Variants in NRXN1 observed in about 807,000 individuals in gnomAD.
The protein encoded by NRXN1 is neurexin-1.
A neutral mutation model predicts 150.9 loss-of-function variants in NRXN1; 39 were observed. That is an observed-to-expected ratio of 0.26 (90% CI 0.20 to 0.34). The LOEUF (loss-of-function observed/expected upper bound fraction) is 0.34, where lower values mean the gene tolerates loss of function less well. Among genes scored for constraint, NRXN1 ranks in the 10% least tolerant of loss-of-function variants. NRXN1 has a pLI of 1.00. For synonymous variants in NRXN1, 924 were observed against 757.0 expected (o/e 1.22, Z -3.62); for missense variants, 1,815 against 1,949.9 (o/e 0.93, Z 1.30).
chr2:50,241,992 T>G (rs2066043887), intron 17 of NRXN1, among the ~76,000 whole-genome samples: 1 of 151,882 alleles, frequency 6.6e-6, no homozygotes, highest in South Asian at 2.1e-4. Context: ...TAGATTAGCT[T>G]CTAACTCATA....
intron 17 of NRXN1, among the ~76,000 whole-genome samples, chr2:50,405,491 A>G (rs571828462): frequency 3.4e-4 from 52 of 152,224 alleles, no homozygotes; most frequent in Non-Finnish European, 7.1e-4. Flanking sequence ...TATAGAAAAC[A>G]ATGAAAATAA....
At chr2:50,423,441 T>C (rs1238765988) in intron 17 of NRXN1, among the ~76,000 whole-genome samples, 2 of 152,088 alleles carry the variant, frequency 1.3e-5, no homozygotes, top group Non-Finnish European at 2.9e-5. Context: ...CTTTGTGTCC[T>C]CAATGGGCCA....
At chr2:51,026,250 C>G in intron 2 of NRXN1, 1 of 682,664 alleles carries the variant, frequency 1.5e-6, no homozygotes, top group East Asian at 2.7e-5. Flanking sequence ...TCACCCATTT[C>G]AGCCACAAAT....
intron 5 of NRXN1, among the ~76,000 whole-genome samples, chr2:50,669,469 A>T (rs1458245770): frequency 1.3e-5 from 2 of 151,986 alleles, no homozygotes; most frequent in Non-Finnish European, 2.9e-5. Flanking sequence ...TGCTTCTATA[A>T]TCACTATTTA....
At chr2:50,418,904 C>A (rs962799661) in intron 17 of NRXN1, among the ~76,000 whole-genome samples, 10 of 151,976 alleles carry the variant, frequency 6.6e-5, no homozygotes, top group Admixed American at 2.6e-4. Flanking sequence ...ATATTTTTAT[C>A]ATATTTAAGT....
chr2:50,895,935 T>C (rs995702476), intron 5 of NRXN1, among the ~76,000 whole-genome samples: 55 of 152,148 alleles, frequency 3.6e-4, no homozygotes, highest in African/African-American at 1.2e-3. Flanking sequence ...TTAAAACCCA[T>C]GTGAAATATA....
chr2:50,616,692 G>T (rs1485971219), intron 8 of NRXN1, among the ~76,000 whole-genome samples: 1 of 152,132 alleles, frequency 6.6e-6, no homozygotes, highest in Non-Finnish European at 1.5e-5. Flanking sequence ...AAGGAAGAAA[G>T]TTGAACTTAG....
chr2:50,790,978 C>T (rs1705861251), intron 5 of NRXN1, among the ~76,000 whole-genome samples: 1 of 151,866 alleles, frequency 6.6e-6, no homozygotes, highest in South Asian at 2.1e-4. Flanking sequence ...TAGGGATGCT[C>T]AACCTGTACT....
chr2:50,070,092 T>G (rs913319566), intron 19 of NRXN1, among the ~76,000 whole-genome samples: 1 of 151,992 alleles, frequency 6.6e-6, no homozygotes, highest in Non-Finnish European at 1.5e-5. Context: ...CCTTGCGATC[T>G]GCCCGCCTTG....
At chr2:49,967,039 T>A (rs1677084819) in intron 21 of NRXN1, among the ~76,000 whole-genome samples, 1 of 151,904 alleles carries the variant, frequency 6.6e-6, no homozygotes, top group Admixed American at 6.6e-5. Context: ...ATTGGTGGAT[T>A]CTCTTAGGCA....
chr2:50,360,446 G>A (rs867022972), intron 17 of NRXN1, among the ~76,000 whole-genome samples: 12 of 152,056 alleles, frequency 7.9e-5, no homozygotes, highest in Non-Finnish European at 1.5e-4. Context: ...AAGAAAGCAA[G>A]GGTTGCAATC....
At chr2:50,502,602 C>A (rs2092007135) in intron 13 of NRXN1, among the ~76,000 whole-genome samples, 1 of 151,938 alleles carries the variant, frequency 6.6e-6, no homozygotes, top group Non-Finnish European at 1.5e-5. Context: ...TTGGATTAAG[C>A]AAATCAATAA....
intron 2 of NRXN1, among the ~76,000 whole-genome samples, chr2:51,010,314 C>T (rs190625145): frequency 6.6e-6 from 1 of 152,030 alleles, no homozygotes; most frequent in East Asian, 1.9e-4. Context: ...GGTTATGTGC[C>T]TTTTTATACA....
chr2:50,469,492 T>C (rs1045473400), intron 16 of NRXN1, among the ~76,000 whole-genome samples: 2 of 151,556 alleles, frequency 1.3e-5, no homozygotes, highest in Non-Finnish European at 3.0e-5. Flanking sequence ...AGTAGTCCTA[T>C]CAATATGGAG....
At chr2:50,128,359 A>G (rs1382877441) in intron 18 of NRXN1, among the ~76,000 whole-genome samples, 2 of 152,226 alleles carry the variant, frequency 1.3e-5, no homozygotes, top group Non-Finnish European at 1.5e-5. Flanking sequence ...CCGATGCTTT[A>G]GCCAATTAAG....
chr2:50,346,575 C>A lies in NRXN1; in HGVS notation c.3365-109605G>T. ...GGCTCGCACCAAGCACACCCAAATG[C>A]ACCTCCCTTTTGTCGAGCTCCCATT... On this transcript the variant is annotated intron_variant, in intron 17 of 22. Coordinates refer to ENST00000401669, the MANE Select transcript of NRXN1 (RefSeq NM_001330078.2). The surrounding 1 kb of genome is among the most constrained non-coding windows in gnomAD (Gnocchi z 5.0). 9.0e-7 allele frequency: 1 copy of A among 1,106,670 alleles called. No individual in the cohort carries two copies. Among genetic ancestry groups the A allele is most frequent in the Non-Finnish European group, 1.3e-6 (1 of 742,616 alleles). The allele number at this position is 1,106,670 out of a possible 1,614,324, so 68.6% of individuals were successfully genotyped here. A position where few individuals can be genotyped will look rare whatever the true frequency, so the allele number is the denominator to read the frequency against.
intron 17 of NRXN1, among the ~76,000 whole-genome samples, chr2:50,373,233 G>C (rs1477458434): frequency 6.6e-6 from 1 of 151,172 alleles, no homozygotes; most frequent in East Asian, 1.9e-4. Flanking sequence ...ACTTAGATTA[G>C]GGCATTGACT....
At chr2:50,201,124 C>T (rs1303963243) in intron 18 of NRXN1, among the ~76,000 whole-genome samples, 1 of 152,020 alleles carries the variant, frequency 6.6e-6, no homozygotes. Flanking sequence ...AGTTATTTGC[C>T]TCTTACTCTA....
chr2:50,588,861 C>T (rs1406459155), intron 8 of NRXN1: 2 of 152,166 alleles, frequency 1.3e-5, no homozygotes, highest in East Asian at 1.9e-4. Flanking sequence ...ATTATAGTAG[C>T]GGAGGTGAAG....
Sources: gnomAD v4.1 joint callset for allele counts (sites outside exome capture counted in the v4.1 genomes callset) on GRCh38, gnomAD v4.1.1 for gene constraint, Gnocchi (gnomAD v3.1) non-coding constraint, MANE v1.5 for transcripts, NCBI Gene and HGNC (gene_info 2026-07-23, HGNC 2026-07-21) for gene names.